SHOX: variants seen among roughly 807,000 people sequenced by gnomAD.
SHOX encodes the protein short stature homeobox protein.
SHOX carries 12 observed loss-of-function variants against 29.6 expected under a neutral mutation model. The observed-to-expected ratio is 0.41, with a 90% CI of 0.26 to 0.66. The LOEUF (loss-of-function observed/expected upper bound fraction) is 0.66, where lower values mean the gene tolerates loss of function less well. Among genes scored for constraint, SHOX ranks in the 30% least tolerant of loss-of-function variants. The pLI, the probability that SHOX is intolerant of heterozygous loss-of-function variation, is 0.35. For missense variants in SHOX, 499 were observed against 437.7 expected (o/e 1.14, Z -1.25); for synonymous variants, 214 against 200.6 (o/e 1.07, Z -0.57).
chrX:655,576 C>CTG (rs2053127255), downstream of SHOX, among the ~76,000 whole-genome samples: 1 of 65,712 alleles, frequency 1.5e-5, no homozygotes, highest in African/African-American at 6.2e-5. Context: ...CTGTCTCTCT[C>CTG]TCTCTCTCTC....
chrX:633,480 G>C (rs1375269932), intron 1 of SHOX, among the ~76,000 whole-genome samples: 1 of 151,950 alleles, frequency 6.6e-6, no homozygotes, highest in Non-Finnish European at 1.5e-5. Flanking sequence ...ATGTAGCTCG[G>C]GGTGGGGTGG....
At chrX:627,791 G>C (rs2052565068), upstream of SHOX, among the ~76,000 whole-genome samples, 1 of 152,148 alleles carries the variant, frequency 6.6e-6, no homozygotes, top group Non-Finnish European at 1.5e-5. Context: ...CCTCAGGTCG[G>C]GGAAAGCCTG....
chrX:631,015 G>T lies in SHOX; in HGVS notation c.118G>T (p.Glu40Ter). ...KDSITYREVL[E>*]SGLARSRELG... ...TTCCATTACGTACCGGGAAGTTTTG[G>T]AGAGCGGACTGGCGCGCTCCCGGGA... The change falls in exon 1 of 5, where the codon GAG becomes TAG. Residue 40 changes from glutamate (E) to a stop codon, truncating the protein, a stop_gained. Coordinates refer to ENST00000686671, the MANE Select transcript of SHOX (RefSeq NM_000451.4). LOFTEE classifies it high-confidence loss of function. 1.9e-6 allele frequency: 3 copies of T among 1,613,864 alleles called. No individual in the cohort carries two copies. Among genetic ancestry groups the T allele is most frequent in the Non-Finnish European group, 2.5e-6 (3 of 1,179,838 alleles).
rs1188004158 is a variant in SHOX, at chrX:651,244, T to C, written c.*6608T>C. On this transcript the variant is annotated 3_prime_UTR_variant, in exon 5 of 5. Coordinates refer to ENST00000686671, the MANE Select transcript of SHOX (RefSeq NM_000451.4). ...CTTTTTCCCTCCCCCATTGACGACA[T>C]AGCGGCCCCCGCGTCCGGGTTACAA... 11 of 453,124 alleles carry C rather than the reference T, an allele frequency of 2.4e-5. No individual in the cohort carries two copies. Among genetic ancestry groups the C allele is most frequent in the Non-Finnish European group, 4.9e-5 (11 of 225,356 alleles). 28.1% of individuals were successfully genotyped at this position (453,124 alleles called of 1,614,324 possible).
chrX:655,594 C>G (rs1333975960), downstream of SHOX, among the ~76,000 whole-genome samples: 1 of 61,574 alleles, frequency 1.6e-5, no homozygotes, highest in African/African-American at 6.7e-5. Flanking sequence ...CTCTCTCTCT[C>G]TCTCTCTCTC....
intron 1 of SHOX, among the ~76,000 whole-genome samples, chrX:631,624 T>C (rs1234245837): frequency 1.3e-5 from 2 of 152,242 alleles, no homozygotes; most frequent in Admixed American, 6.5e-5. Context: ...CTCTGCCTCC[T>C]GGGTTCAAGC....
intron 2 of SHOX, among the ~76,000 whole-genome samples, chrX:635,603 C>T (rs1410143909): frequency 6.6e-6 from 1 of 152,212 alleles, no homozygotes; most frequent in Non-Finnish European, 1.5e-5. Flanking sequence ...CCGAGGAGCG[C>T]GCGAATTCAC....
intron 2 of SHOX, among the ~76,000 whole-genome samples, chrX:637,614 A>G (rs1603286555): frequency 6.6e-6 from 1 of 152,128 alleles, no homozygotes; most frequent in African/African-American, 2.4e-5. Context: ...ATAATTCTCC[A>G]TCGCCGCGGG....
chrX:630,108 G>A (rs1603283563), upstream of SHOX, among the ~76,000 whole-genome samples: 2 of 152,114 alleles, frequency 1.3e-5, no homozygotes, highest in Non-Finnish European at 2.9e-5. Flanking sequence ...GACCCGGGAG[G>A]CGGCCCCGGG....
rs2052632867 is a variant in SHOX, at chrX:630,803, G to T, written c.-95G>T. The T allele has an allele frequency of 2.0e-6, 3 of 1,465,404 alleles. No individual in the cohort carries two copies. Among genetic ancestry groups the T allele is most frequent in the East Asian group, 2.3e-5 (1 of 43,972 alleles). 90.8% of individuals were successfully genotyped at this position (1,465,404 alleles called of 1,614,324 possible). A position where few individuals can be genotyped will look rare whatever the true frequency, so the allele number is the denominator to read the frequency against. On this transcript the variant is annotated 5_prime_UTR_variant, in exon 1 of 5. Transcript: ENST00000686671. ...CCAATGGAAAGGCGTAAATAACAGC[G>T]CTGGTGATCCACCCGCGCGCACGGG... is the stretch of plus-strand genomic sequence containing the variant.
Position 644,534 on chromosome X carries a change from C to T in SHOX, c.777C>T (p.Ala259=). The T allele has an allele frequency of 5.3e-6, 8 of 1,517,604 alleles. No homozygotes were observed. Among genetic ancestry groups the T allele is most frequent in the South Asian group, 3.7e-5 (3 of 82,112 alleles). 94.0% of individuals were successfully genotyped at this position (1,517,604 alleles called of 1,614,324 possible). A position where few individuals can be genotyped will look rare whatever the true frequency, so the allele number is the denominator to read the frequency against. ...CGTCGCTGGCCGAGTCCGCCTCGGC[C>T]GCCGCCGTGGTCGCCGCCGCCGCCA... ...PIASLAESAS[A]AAVVAAAAKS... is the part of the protein sequence containing the mutation. Residue 259 remains alanine, a synonymous_variant, in exon 5 of 5, where the codon GCC becomes GCT. Coordinates refer to ENST00000686671, the MANE Select transcript of SHOX (RefSeq NM_000451.4).
Position 645,759 on chromosome X carries a change from GTAC to G in SHOX, c.*1124_*1126del, listed in dbSNP as rs1603289000. On this transcript the variant is annotated 3_prime_UTR_variant, in exon 5 of 5. Coordinates refer to ENST00000686671, the MANE Select transcript of SHOX (RefSeq NM_000451.4). ...ACGGTGGTGCCAAGATATCAGTTTG[GTAC>G]CTGAGCTGTTTCTGGTTGGGAAGCG... is the stretch of plus-strand genomic sequence containing the variant. The G allele has an allele frequency of 6.6e-6, 1 of 152,298 alleles. No individual in the cohort carries two copies. The highest frequency in any genetic ancestry group is 6.5e-5 in the Admixed American group (1 of 15,286). 9.4% of individuals were successfully genotyped at this position (152,298 alleles called of 1,614,324 possible).
chrX:643,133 C>T (rs182446034), intron 4 of SHOX, among the ~76,000 whole-genome samples: 313 of 146,106 alleles, frequency 2.1e-3, no homozygotes, highest in Non-Finnish European at 3.6e-3. Flanking sequence ...CTTGGAGAGG[C>T]TTGGGGACCT....
At chrX:633,978 G>T (rs1316184107) in intron 1 of SHOX, among the ~76,000 whole-genome samples, 1 of 152,232 alleles carries the variant, frequency 6.6e-6, no homozygotes, top group Non-Finnish European at 1.5e-5. Flanking sequence ...GGCACACTCT[G>T]GTGGGGTAGG....
rs2053057430 is a variant in SHOX at position 651,262 on chromosome X, G to A, written c.*6626G>A. 1 of 454,562 alleles carries A rather than the reference G, an allele frequency of 2.2e-6. No homozygotes were observed. The highest frequency in any genetic ancestry group is 4.4e-6 in the Non-Finnish European group (1 of 226,200). The allele number at this position is 454,562 out of a possible 1,614,324, so 28.2% of individuals were successfully genotyped here. On this transcript the variant is annotated 3_prime_UTR_variant, in exon 5 of 5. Transcript: ENST00000686671. ...GACGACATAGCGGCCCCCGCGTCCGGGTTACAAATACATCTACAGATATTT... is the reference window on the plus strand; with the variant it reads ...GACGACATAGCGGCCCCCGCGTCCGAGTTACAAATACATCTACAGATATTT...
At chrX:625,379 A>G (rs927681211) in intron 1 of SHOX, among the ~76,000 whole-genome samples, 1 of 152,042 alleles carries the variant, frequency 6.6e-6, no homozygotes, top group Non-Finnish European at 1.5e-5. Context: ...AAGGCATTTC[A>G]TACAGGGAGG....
chrX:625,897 CTT>C (rs1257765146), upstream of SHOX, among the ~76,000 whole-genome samples: 1 of 140,234 alleles, frequency 7.1e-6, no homozygotes, highest in South Asian at 2.6e-4. Context: ...TCCTCTCTCT[CTT>C]TCTCTGTCTC....
chrX:651,869 C>T (rs2053070328), downstream of SHOX, among the ~76,000 whole-genome samples: 1 of 152,004 alleles, frequency 6.6e-6, no homozygotes, highest in African/African-American at 2.4e-5. Flanking sequence ...AGGAAAAAGC[C>T]CTGATTTGAA....
At position 648,619 on chromosome X, in the gene SHOX, A is replaced by C. The variant is rs963449950; in HGVS notation, c.*3983A>C. On this transcript the variant is annotated 3_prime_UTR_variant, in exon 5 of 5. Coordinates refer to ENST00000686671, the MANE Select transcript of SHOX (RefSeq NM_000451.4). ...TAATATGGAAAGAGGGCCAAGTGTCATCCTCACAAATGGGTCCCCGAAGCA... is the reference window on the plus strand; with the variant it reads ...TAATATGGAAAGAGGGCCAAGTGTCCTCCTCACAAATGGGTCCCCGAAGCA... Among the ~76,000 whole-genome samples, 70 of 152,226 alleles carry C rather than the reference A, an allele frequency of 4.6e-4. No individual in the cohort carries two copies. Among genetic ancestry groups the C allele is most frequent in the Non-Finnish European group, 7.3e-4 (50 of 68,052 alleles).
Sources: gnomAD v4.1 joint callset for allele counts (sites outside exome capture counted in the v4.1 genomes callset) on GRCh38, gnomAD v4.1.1 for gene constraint, MANE v1.5 for transcripts, NCBI Gene and HGNC (gene_info 2026-07-23, HGNC 2026-07-21) for gene names.